KCNQ2: variants seen among roughly 807,000 people sequenced by gnomAD.
KCNQ2 encodes the protein potassium voltage-gated channel subfamily KQT member 2.
Under a neutral mutation model 84.8 loss-of-function variants are expected in KCNQ2, and 14 were observed. That is an observed-to-expected ratio of 0.17 (90% CI 0.11 to 0.26). KCNQ2 has a LOEUF of 0.26. KCNQ2 is among the 10% of genes least tolerant of loss of function. The pLI, the probability that KCNQ2 is intolerant of heterozygous loss-of-function variation, is 1.00. For synonymous variants in KCNQ2, 599 were observed against 554.1 expected (o/e 1.08, Z -1.14); for missense variants, 788 against 1,254.0 (o/e 0.63, Z 5.61).
Position 63,414,007 on chromosome 20 carries a change from T to G in KCNQ2, c.1631+81A>C. ...CTCTGGGCGGCTCTGTCCAGCACCA[T>G]GAGCACCGGCAGCAGGCAGGACCAC... On this transcript the variant is annotated intron_variant, in intron 14 of 16. Coordinates refer to ENST00000359125, the MANE Select transcript of KCNQ2 (RefSeq NM_172107.4). This position sits in a 1 kb window ranked among gnomAD's most constrained non-coding sequence, Gnocchi z 6.6. 1.5e-5 allele frequency: 16 copies of G among 1,061,408 alleles called. No individual in the cohort carries two copies. The highest frequency in any genetic ancestry group is 2.4e-5 in the Non-Finnish European group (16 of 680,486). 65.7% of individuals were successfully genotyped at this position (1,061,408 alleles called of 1,614,324 possible). A position where few individuals can be genotyped will look rare whatever the true frequency, so the allele number is the denominator to read the frequency against.
Position 63,438,416 on chromosome 20 carries a change from C to T in KCNQ2, c.1023+209G>A, listed in dbSNP as rs372766435. ...CAAGGGCCACCCCAGCGTCCTCACA[C>T]GAGCCACCCCTGTGCAGCCTCAGGG... On this transcript the variant is annotated intron_variant, in intron 7 of 16. Coordinates refer to ENST00000359125, the MANE Select transcript of KCNQ2 (RefSeq NM_172107.4). This position sits in a 1 kb window ranked among gnomAD's most constrained non-coding sequence, Gnocchi z 5.1. 4.5e-5 allele frequency: 28 copies of T among 624,504 alleles called. No individual in the cohort carries two copies. The highest frequency in any genetic ancestry group is 3.0e-4 in the East Asian group (11 of 36,252). The allele number at this position is 624,504 out of a possible 1,614,324, so 38.7% of individuals were successfully genotyped here. A position where few individuals can be genotyped will look rare whatever the true frequency, so the allele number is the denominator to read the frequency against.
At chr20:63,449,897 GGCA>G (rs2081555910) in intron 1 of KCNQ2, among the ~76,000 whole-genome samples, 1 of 151,986 alleles carries the variant, frequency 6.6e-6, no homozygotes, top group Non-Finnish European at 1.5e-5. Flanking sequence ...ACTGGGTGGT[GGCA>G]GCAATTGGAG....
intron 1 of KCNQ2, among the ~76,000 whole-genome samples, chr20:63,452,432 C>T (rs531439169): frequency 1.3e-3 from 196 of 152,360 alleles, no homozygotes; most frequent in African/African-American, 4.4e-3. Flanking sequence ...GCTGGGACGA[C>T]GCCCACCCCC....
chr20:63,400,663 C>T lies in KCNQ2; in HGVS notation c.*5981G>A, dbSNP rs963789698. Reference sequence around the variant, plus strand: ...GCGCAAATGGGGAAGCTGCAGCCACCGTCACGGCCAGAGGATGGCAGACTG... The same window carrying T: ...GCGCAAATGGGGAAGCTGCAGCCACTGTCACGGCCAGAGGATGGCAGACTG... On this transcript the variant is annotated 3_prime_UTR_variant, in exon 17 of 17. Transcript: ENST00000359125. This position sits in a 1 kb window ranked among gnomAD's most constrained non-coding sequence, Gnocchi z 8.7. 2.8e-5 allele frequency: 11 copies of T among 398,544 alleles called. No homozygotes were observed. Among genetic ancestry groups the T allele is most frequent in the Middle Eastern group, 6.2e-4 (1 of 1,612 alleles). 24.7% of individuals were successfully genotyped at this position (398,544 alleles called of 1,614,324 possible).
chr20:63,422,001 T>C (rs888247239), intron 11 of KCNQ2, among the ~76,000 whole-genome samples: 1 of 151,458 alleles, frequency 6.6e-6, no homozygotes, highest in Non-Finnish European at 1.5e-5. Context: ...AGGATGGGGG[T>C]GGGGGTCTCA....
Position 63,446,235 on chromosome 20 carries a change from C to A in KCNQ2, c.387+512G>T. ...GAAGCCCCAGAACAGAGGAGCAGGG[C>A]GGGCAGTAGAGGGAGGTGCATTTGG... On this transcript the variant is annotated intron_variant, in intron 2 of 16. Coordinates refer to ENST00000359125, the MANE Select transcript of KCNQ2 (RefSeq NM_172107.4). The surrounding 1 kb of genome is among the most constrained non-coding windows in gnomAD (Gnocchi z 5.5). The A allele has an allele frequency of 7.8e-6, 2 of 255,088 alleles. No homozygotes were observed. Among genetic ancestry groups the A allele is most frequent in the Non-Finnish European group, 7.7e-6 (1 of 129,796 alleles). The allele number at this position is 255,088 out of a possible 1,614,324, so 15.8% of individuals were successfully genotyped here. A position where few individuals can be genotyped will look rare whatever the true frequency, so the allele number is the denominator to read the frequency against.
At chr20:63,445,435 C>T in intron 2 of KCNQ2, 71 bp from the exon 3 acceptor site, 2 of 1,577,512 alleles carry the variant, frequency 1.3e-6, no homozygotes, top group Non-Finnish European at 1.7e-6. Flanking sequence ...TGGACACCCA[C>T]AGGAGCAGTT....
intron 1 of KCNQ2, among the ~76,000 whole-genome samples, chr20:63,470,522 G>A (rs1055604324): frequency 6.6e-6 from 1 of 152,264 alleles, no homozygotes; most frequent in Non-Finnish European, 1.5e-5. Flanking sequence ...CGCAGGCCCA[G>A]GCAGGGGGCG....
At chr20:63,449,790 G>T (rs572872671) in intron 1 of KCNQ2, among the ~76,000 whole-genome samples, 3 of 151,300 alleles carry the variant, frequency 2.0e-5, no homozygotes, top group African/African-American at 4.8e-5. Context: ...ACTTTTGGCC[G>T]CGGAGGCAGA....
chr20:63,438,787 C>G lies in KCNQ2; in HGVS notation c.928-67G>C. 6.8e-7 allele frequency: 1 copy of G among 1,464,594 alleles called. No homozygotes were observed. The highest frequency in any genetic ancestry group is 9.5e-7 in the Non-Finnish European group (1 of 1,055,970). 90.7% of individuals were successfully genotyped at this position (1,464,594 alleles called of 1,614,324 possible). On this transcript the variant is annotated intron_variant, in intron 6 of 16. Transcript: ENST00000359125. The surrounding 1 kb of genome is among the most constrained non-coding windows in gnomAD (Gnocchi z 5.1). Reference sequence around the variant, plus strand: ...ACACCCCAATTCATCAGGGTCAGACCATGCTCTGGGGCCCCACACCCCCCC... The same window carrying G: ...ACACCCCAATTCATCAGGGTCAGACGATGCTCTGGGGCCCCACACCCCCCC...
intron 15 of KCNQ2, chr20:63,411,738 T>C (rs2080126564): frequency 5.1e-6 from 3 of 583,348 alleles, no homozygotes; most frequent in Admixed American, 6.7e-5. Flanking sequence ...GGGCCGGCCA[T>C]TCCACAGACA....
At chr20:63,422,072 G>A (rs1473602722) in intron 11 of KCNQ2, among the ~76,000 whole-genome samples, 2 of 152,124 alleles carry the variant, frequency 1.3e-5, no homozygotes, top group African/African-American at 2.4e-5. Context: ...TGACACCAGC[G>A]GGGTCCTGCC....
chr20:63,461,167 A>G (rs1174737723), intron 1 of KCNQ2: 1 of 152,250 alleles, frequency 6.6e-6, no homozygotes, highest in Non-Finnish European at 1.5e-5. Flanking sequence ...CGTTTATTTA[A>G]GAAACGAGGG....
intron 9 of KCNQ2, among the ~76,000 whole-genome samples, chr20:63,429,417 T>A (rs1415141036): frequency 1.3e-5 from 2 of 152,006 alleles, no homozygotes; most frequent in African/African-American, 2.4e-5. Context: ...TGGTCTCTCC[T>A]CTGCGTTGGA....
chr20:63,400,392 A>C lies in KCNQ2; in HGVS notation c.*6252T>G, dbSNP rs2079785039. On this transcript the variant is annotated 3_prime_UTR_variant, in exon 17 of 17. Transcript: ENST00000359125. The surrounding 1 kb of genome is among the most constrained non-coding windows in gnomAD (Gnocchi z 8.7). ...GCTCTGGCATCAACCTGTCCGTGTGAGTAAGTTAATATCTCAGCTAATCTG... is the reference window on the plus strand; with the variant it reads ...GCTCTGGCATCAACCTGTCCGTGTGCGTAAGTTAATATCTCAGCTAATCTG... 2 of 387,488 alleles carry C rather than the reference A, an allele frequency of 5.2e-6. No individual in the cohort carries two copies. Among genetic ancestry groups the C allele is most frequent in the African/African-American group, 4.1e-5 (2 of 48,396 alleles). The allele number at this position is 387,488 out of a possible 1,614,324, so 24.0% of individuals were successfully genotyped here.
chr20:63,445,743 A>G lies in KCNQ2; in HGVS notation c.388-379T>C, dbSNP rs878926852. On this transcript the variant is annotated intron_variant, in intron 2 of 16. Coordinates refer to ENST00000359125, the MANE Select transcript of KCNQ2 (RefSeq NM_172107.4). ...GCTGGGAGGCCCTGTCTGAGCTGGG[A>G]GGCCCTGTCTGAGCTGGGGGACCCT... is the stretch of plus-strand genomic sequence containing the variant. 9.8e-3 allele frequency among the ~76,000 whole-genome samples: 153 copies of G among 15,598 alleles called. 9 individuals are homozygous for G. Among genetic ancestry groups the G allele is most frequent in the South Asian group, 0.019 (10 of 514 alleles). 10.2% of individuals were successfully genotyped at this position (15,598 alleles called of 152,430 possible). A position where few individuals can be genotyped will look rare whatever the true frequency, so the allele number is the denominator to read the frequency against.
chr20:63,413,491 G>A lies in KCNQ2; in HGVS notation c.1722C>T (p.Gly574=). ...TAATTCGGGACAGCATGTCCAGGTG[G>A]CCGGCTGAGTACTGCTCGATGACGT... ...VMDVIEQYSA[G]HLDMLSRIKS... is the part of the protein sequence containing the mutation. The change falls in exon 15 of 17, where the codon GGC becomes GGT. Residue 574 remains glycine, a synonymous_variant. Transcript: ENST00000359125. The A allele has an allele frequency of 1.2e-6, 2 of 1,613,458 alleles. No individual in the cohort carries two copies. Among genetic ancestry groups the A allele is most frequent in the South Asian group, 1.1e-5 (1 of 91,086 alleles).
In KCNQ2 at chr20:63,460,092, T is replaced by G. The variant is rs914463; in HGVS notation, c.296+12076A>C. 0.065 allele frequency: 9,854 copies of G among 152,230 alleles called. 587 individuals are homozygous for G. Among genetic ancestry groups the G allele is most frequent in the African/African-American group, 0.15 (6,425 of 41,482 alleles). The allele number at this position is 152,230 out of a possible 1,614,324, so 9.4% of individuals were successfully genotyped here. On this transcript the variant is annotated intron_variant, in intron 1 of 16. Transcript: ENST00000359125. This position sits in a 1 kb window ranked among gnomAD's most constrained non-coding sequence, Gnocchi z 5.4. ...GCTCTGGCCCTGGCCAGTGTCCCCATCCCAGCCCAGCCTACTCCTCCCCAA... is the reference window on the plus strand; with the variant it reads ...GCTCTGGCCCTGGCCAGTGTCCCCAGCCCAGCCCAGCCTACTCCTCCCCAA...
At chr20:63,412,096 G>T (rs1679191531) in intron 15 of KCNQ2, 1 of 529,932 alleles carries the variant, frequency 1.9e-6, no homozygotes, top group Non-Finnish European at 3.4e-6. Flanking sequence ...TCGGGAGCGG[G>T]TGGCGGGCGG....
Sources: gnomAD v4.1 joint callset for allele counts (sites outside exome capture counted in the v4.1 genomes callset) on GRCh38, gnomAD v4.1.1 for gene constraint, Gnocchi (gnomAD v3.1) non-coding constraint, MANE v1.5 for transcripts, NCBI Gene and HGNC (gene_info 2026-07-23, HGNC 2026-07-21) for gene names.